DPP10: variants seen among roughly 807,000 people sequenced by gnomAD.
DPP10 encodes the protein inactive dipeptidyl peptidase 10.
Under a neutral mutation model 120.9 loss-of-function variants are expected in DPP10, and 33 were observed. That is an observed-to-expected ratio of 0.27 (90% CI 0.21 to 0.37). The LOEUF (loss-of-function observed/expected upper bound fraction) is 0.37. DPP10 is among the 10% of genes least tolerant of loss of function. DPP10 has a pLI of 1.00. For missense variants in DPP10, 816 were observed against 942.8 expected, an observed-to-expected ratio of 0.87 and a Z score of 1.76; for synonymous variants, 337 against 326.1, an observed-to-expected ratio of 1.03 and a Z score of -0.36.
intron 1 of DPP10, among the ~76,000 whole-genome samples, chr2:114,480,797 T>A (rs999855479): frequency 6.6e-6 from 1 of 151,936 alleles, no homozygotes; most frequent in Admixed American, 6.6e-5. Flanking sequence ...ACATGGCACA[T>A]GTATACATAC....
At chr2:115,108,102 G>A (rs2049037420) in intron 1 of DPP10, among the ~76,000 whole-genome samples, 1 of 151,910 alleles carries the variant, frequency 6.6e-6, no homozygotes, top group Non-Finnish European at 1.5e-5. Context: ...TACTTTTCTG[G>A]GTGATATATG....
At chr2:114,755,084 T>A (rs1679602674) in intron 1 of DPP10, among the ~76,000 whole-genome samples, 2 of 152,246 alleles carry the variant, frequency 1.3e-5, no homozygotes, top group Non-Finnish European at 2.9e-5. Flanking sequence ...TTCTTATGAC[T>A]AATAGCTAGT....
intron 1 of DPP10, among the ~76,000 whole-genome samples, chr2:114,663,685 AG>A (rs1697664665): frequency 6.8e-6 from 1 of 147,780 alleles, no homozygotes; most frequent in Non-Finnish European, 1.5e-5. Flanking sequence ...AGAGAGAGAG[AG>A]AGAGAGAGAG....
intron 1 of DPP10, among the ~76,000 whole-genome samples, chr2:114,849,659 A>G (rs914017320): frequency 6.6e-6 from 1 of 152,152 alleles, no homozygotes; most frequent in Non-Finnish European, 1.5e-5. Context: ...GCCAAGGGAC[A>G]GGAAGATTTA....
intron 1 of DPP10, among the ~76,000 whole-genome samples, chr2:114,665,320 C>T (rs968295432): frequency 6.6e-6 from 1 of 152,214 alleles, no homozygotes; most frequent in Admixed American, 6.5e-5. Context: ...GCAGCTTTTT[C>T]TACATCCCTG....
At chr2:114,831,022 A>ATTTTTTTTTTT (rs70941010) in intron 1 of DPP10, among the ~76,000 whole-genome samples, 1 of 45,978 alleles carries the variant, frequency 2.2e-5, no homozygotes, top group African/African-American at 8.6e-5. Context: ...CCATGCAAAG[A>ATTTTTTTTTTT]TTTTTTTTTT....
At chr2:114,752,803 A>G (rs1185788740) in intron 1 of DPP10, among the ~76,000 whole-genome samples, 2 of 152,224 alleles carry the variant, frequency 1.3e-5, no homozygotes, top group Non-Finnish European at 2.9e-5. Flanking sequence ...TTTTCCACCA[A>G]TTAAGAAATG....
At chr2:115,011,677 T>C (rs979432487) in intron 1 of DPP10, among the ~76,000 whole-genome samples, 8 of 152,162 alleles carry the variant, frequency 5.3e-5, no homozygotes, top group Admixed American at 3.3e-4. Flanking sequence ...AGGACTAGCC[T>C]TGTAGCTCAC....
At chr2:114,846,536 A>G (rs1053147631) in intron 1 of DPP10, among the ~76,000 whole-genome samples, 4 of 151,970 alleles carry the variant, frequency 2.6e-5, no homozygotes, top group East Asian at 3.9e-4. Flanking sequence ...GGTAATGTGC[A>G]GTTTTACTGT....
intron 1 of DPP10, among the ~76,000 whole-genome samples, chr2:115,156,323 G>C (rs2051907217): frequency 6.6e-6 from 1 of 152,164 alleles, no homozygotes; most frequent in Non-Finnish European, 1.5e-5. Context: ...AAGTCAATTG[G>C]TAGAGACAAT....
At chr2:114,886,901 C>T (rs1266618793) in intron 1 of DPP10, among the ~76,000 whole-genome samples, 2 of 152,146 alleles carry the variant, frequency 1.3e-5, no homozygotes, top group African/African-American at 4.8e-5. Context: ...TTTTCTCCTC[C>T]TGCCACCTGC....
At chr2:115,453,355 T>A (rs708658) in intron 3 of DPP10, among the ~76,000 whole-genome samples, 125,055 of 151,192 alleles carry the variant, frequency 0.83, 54,759 homozygotes, top group Non-Finnish European at 0.97. Context: ...AATTAGAAAA[T>A]TTTTTTTCTT....
intron 1 of DPP10, among the ~76,000 whole-genome samples, chr2:114,957,278 A>T (rs965930994): frequency 1.3e-5 from 2 of 151,950 alleles, no homozygotes; most frequent in Admixed American, 1.3e-4. Flanking sequence ...ATCTGAACAG[A>T]CATTTTCCAA....
rs10584331 is a variant in DPP10, at chr2:115,733,590, GAAA to G, written c.697+5667_697+5669del. Among the ~76,000 whole-genome samples the G allele has an allele frequency of 3.4e-3, 495 of 144,204 alleles. 4 individuals carry two copies. Among genetic ancestry groups the G allele is most frequent in the African/African-American group, 0.011 (411 of 38,540 alleles). 94.6% of individuals were successfully genotyped at this position (144,204 alleles called of 152,430 possible). A position where few individuals can be genotyped will look rare whatever the true frequency, so the allele number is the denominator to read the frequency against. On this transcript the variant is annotated intron_variant, in intron 8 of 25. Coordinates refer to ENST00000410059, the MANE Select transcript of DPP10 (RefSeq NM_020868.6). ...ATTTGACAGTGAAATGCAGAAAATTGAAAAAAAAAAAAAAATCAACCACAGGCC... is the reference window on the plus strand; with the variant it reads ...ATTTGACAGTGAAATGCAGAAAATTGAAAAAAAAAAAATCAACCACAGGCC...
At chr2:115,340,248 G>T (rs1213414090) in intron 2 of DPP10, among the ~76,000 whole-genome samples, 2 of 152,036 alleles carry the variant, frequency 1.3e-5, no homozygotes, top group East Asian at 1.9e-4. Context: ...ATGTGATATG[G>T]TGTAATCATT....
chr2:115,530,210 G>A (rs1357718614), intron 5 of DPP10, among the ~76,000 whole-genome samples: 1 of 151,378 alleles, frequency 6.6e-6, no homozygotes, highest in African/African-American at 2.4e-5. Flanking sequence ...TATGTCCCAG[G>A]TGCAATTGCT....
At chr2:115,809,004 A>G (rs1686334342) in intron 19 of DPP10, among the ~76,000 whole-genome samples, 1 of 152,210 alleles carries the variant, frequency 6.6e-6, no homozygotes, top group Admixed American at 6.5e-5. Flanking sequence ...ACTGTAAATA[A>G]ACTAGGGTGA....
chr2:115,817,274 G>C (rs1394966487), intron 21 of DPP10, among the ~76,000 whole-genome samples: 1 of 152,026 alleles, frequency 6.6e-6, no homozygotes, highest in East Asian at 2.0e-4. Flanking sequence ...AAAGATGAAA[G>C]GAAAAGGGGG....
intron 19 of DPP10, among the ~76,000 whole-genome samples, chr2:115,793,001 C>T (rs751148085): frequency 5.3e-5 from 8 of 152,170 alleles, no homozygotes; most frequent in Non-Finnish European, 1.0e-4. Context: ...GGGGGAAAAC[C>T]GAATAAGAGT....
Sources: allele counts gnomAD v4.1 joint callset (sites outside exome capture counted in the v4.1 genomes callset), GRCh38; gene constraint gnomAD v4.1.1; transcripts MANE v1.5; gene names NCBI Gene and HGNC (gene_info 2026-07-23, HGNC 2026-07-21).